Variants in TDRD12 observed in about 807,000 individuals in gnomAD.
The protein encoded by TDRD12 is tudor domain containing 12.
In TDRD12, 158 loss-of-function variants were observed where a neutral mutation model predicts 133.5. That is an observed-to-expected ratio of 1.18 (90% CI 1.04 to 1.35). TDRD12 has a LOEUF of 1.35. Ranked by LOEUF, TDRD12 falls within the 40% of genes most tolerant of loss-of-function variation. TDRD12 has a pLI of 0.00. For missense variants in TDRD12, 1,443 were observed against 1,321.3 expected, an observed-to-expected ratio of 1.09 and a Z score of -1.43; for synonymous variants, 460 against 477.9, an observed-to-expected ratio of 0.96 and a Z score of 0.49.
intron 4 of TDRD12, among the ~76,000 whole-genome samples, chr19:32,743,198 C>T (rs968557689): frequency 7.2e-5 from 11 of 152,380 alleles, no homozygotes; most frequent in East Asian, 3.9e-4. Flanking sequence ...TACACGCGCA[C>T]GCGCGCACGG....
At chr19:32,777,317 A>AT in intron 11 of TDRD12, 88 bp downstream of exon 11, 5 of 854,188 alleles carry the variant, frequency 5.9e-6, no homozygotes, top group Non-Finnish European at 8.8e-6. Context: ...TTTATTATTA[A>AT]TTTCAAACCT....
At chr19:32,775,319 A>G (rs1267673793) in intron 10 of TDRD12, among the ~76,000 whole-genome samples, 1 of 151,994 alleles carries the variant, frequency 6.6e-6, no homozygotes, top group Non-Finnish European at 1.5e-5. Context: ...TCCTGTGAGT[A>G]TTCTATTTAT....
chr19:32,756,961 TA>T, intron 7 of TDRD12, 76 bp from the exon 8 acceptor site: 1 of 1,241,692 alleles, frequency 8.1e-7, no homozygotes, highest in Non-Finnish European at 1.2e-6. Context: ...AGAGCAGAAG[TA>T]ATGTACTAAC....
intron 1 of TDRD12, among the ~76,000 whole-genome samples, chr19:32,722,052 C>G (rs902924740): frequency 6.6e-6 from 1 of 152,230 alleles, no homozygotes; most frequent in East Asian, 1.9e-4. Context: ...CCTGCTCTTA[C>G]TTGATGTCTT....
At position 32,738,891 on chromosome 19, in the gene TDRD12, G is replaced by A; in HGVS notation, c.219G>A (p.Trp73Ter). The A allele has an allele frequency of 6.4e-7, 1 of 1,551,390 alleles. No homozygotes were observed. The highest frequency in any genetic ancestry group is 8.7e-7 in the Non-Finnish European group (1 of 1,146,996). The change falls in exon 3 of 28, where the codon TGG becomes TGA. Residue 73 changes from tryptophan to a stop codon, truncating the protein, a stop_gained. Transcript: ENST00000444215. LOFTEE classifies it high-confidence loss of function. ...TCTATTGTGAGGAGCTAAAGTGCTG[G>A]TGCAGGGCCATTGTCAAATCAATTA...
rs75855305 is a variant in TDRD12, at chr19:32,802,761, G to C, written c.2303G>C (p.Cys768Ser). The C allele has an allele frequency of 2.0e-3, 3,072 of 1,536,684 alleles. 5 individuals are homozygous for C. Among genetic ancestry groups the C allele is most frequent in the Non-Finnish European group, 2.5e-3 (2,918 of 1,147,028 alleles). The change falls in exon 20 of 28, where the codon TGC (cysteine) becomes TCC (serine). Residue 768 changes from cysteine to serine, a missense_variant. By Grantham distance (112) the Cys-to-Ser change is moderately radical (BLOSUM62 -1). Coordinates refer to ENST00000444215, the Ensembl canonical transcript of TDRD12. Reference sequence around the variant, plus strand: ...AAAGTTTTTGGTGGACGCCTGTATTGCATGTCTGATCATTTTCACGCTGAA... The same window carrying C: ...AAAGTTTTTGGTGGACGCCTGTATTCCATGTCTGATCATTTTCACGCTGAA...
At chr19:32,755,517 T>C (rs1969966476) in intron 6 of TDRD12, among the ~76,000 whole-genome samples, 1 of 152,252 alleles carries the variant, frequency 6.6e-6, no homozygotes, top group Non-Finnish European at 1.5e-5. Flanking sequence ...TTTGCCCATA[T>C]TTTAATTGTG....
At chr19:32,774,344 G>C (rs1227574232) in intron 10 of TDRD12, among the ~76,000 whole-genome samples, 1 of 151,996 alleles carries the variant, frequency 6.6e-6, no homozygotes. Flanking sequence ...GGTTGCATTG[G>C]TGTTCTTTAC....
exon 10 of TDRD12, chr19:32,827,368 T>TTTTC (rs1568504068): frequency 1.2e-4 from 44 of 358,926 alleles, no homozygotes; most frequent in Non-Finnish European, 1.5e-4. Flanking sequence ...TTTTCTTTTC[T>TTTTC]TTTCTTTTTT....
At chr19:32,774,411 C>T (rs1453254883) in intron 10 of TDRD12, among the ~76,000 whole-genome samples, 2 of 150,366 alleles carry the variant, frequency 1.3e-5, no homozygotes, top group Non-Finnish European at 3.0e-5. Flanking sequence ...CTAAGGGCTT[C>T]CTTTAATATT....
chr19:32,730,787 G>A (rs747257898), intron 1 of TDRD12, among the ~76,000 whole-genome samples: 2 of 152,142 alleles, frequency 1.3e-5, no homozygotes, highest in South Asian at 2.1e-4. Flanking sequence ...AGGCTGAGAT[G>A]GGCGAATCAC....
intron 6 of TDRD12, among the ~76,000 whole-genome samples, chr19:32,751,894 G>T (rs1969839916): frequency 2.0e-5 from 3 of 151,848 alleles, no homozygotes; most frequent in Admixed American, 2.0e-4. Flanking sequence ...ATTTTTTTGA[G>T]ATGGAGTCTC....
intron 8 of TDRD12, among the ~76,000 whole-genome samples, chr19:32,771,292 T>A (rs1970436248): frequency 6.6e-6 from 1 of 152,168 alleles, no homozygotes; most frequent in African/African-American, 2.4e-5. Context: ...TGCCTCAGCC[T>A]CCCAAGTAGC....
chr19:32,794,590 C>G (rs1358946490), intron 13 of TDRD12, 38 bp from the exon 14 acceptor site: 1 of 691,972 alleles, frequency 1.4e-6, no homozygotes, highest in Non-Finnish European at 2.6e-6. Context: ...TTAGTTTTCT[C>G]TACCTTATTT....
intron 6 of TDRD12, among the ~76,000 whole-genome samples, chr19:32,753,987 ACT>A (rs988833889): frequency 6.4e-4 from 97 of 152,272 alleles, no homozygotes; most frequent in African/African-American, 2.2e-3. Context: ...CAGCCAAAAT[ACT>A]GTTTGCCAAA....
intron 13 of TDRD12, among the ~76,000 whole-genome samples, chr19:32,791,449 G>T (rs1289477090): frequency 3.9e-5 from 6 of 151,978 alleles, no homozygotes; most frequent in Non-Finnish European, 7.4e-5. Flanking sequence ...GTTTCATTTG[G>T]AAAATTGATC....
chr19:32,818,673 G>A (rs1262297241), intron 27 of TDRD12, among the ~76,000 whole-genome samples: 1 of 152,224 alleles, frequency 6.6e-6, no homozygotes, highest in Non-Finnish European at 1.5e-5. Flanking sequence ...GAGCCCCAGA[G>A]GTGTGAGAGG....
rs567951432 is a variant in TDRD12, at chr19:32,771,822, G to A, written c.866-931G>A. Among the ~76,000 whole-genome samples, 37 of 152,256 alleles carry A rather than the reference G, an allele frequency of 2.4e-4. No homozygotes were observed. In the South Asian group the frequency reaches 3.1e-3, roughly 13 times the overall value. On this transcript the variant is annotated intron_variant, in intron 8 of 27. Coordinates refer to ENST00000444215, the Ensembl canonical transcript of TDRD12. ...TTGGGTTCCAAATTACTTTAAAGAA[G>A]GGTTAGGGCATTTTATAATATTTCA...
At chr19:32,725,828 T>C (rs1027720609) in intron 1 of TDRD12, among the ~76,000 whole-genome samples, 1 of 152,178 alleles carries the variant, frequency 6.6e-6, no homozygotes, top group African/African-American at 2.4e-5. Flanking sequence ...TTCACGATGC[T>C]CTTCCTATCC....
Sources: allele counts gnomAD v4.1 joint callset (sites outside exome capture counted in the v4.1 genomes callset), GRCh38; gene constraint gnomAD v4.1.1; transcripts MANE v1.5; gene names NCBI Gene and HGNC (gene_info 2026-07-23, HGNC 2026-07-21).